VIPAS39: variants seen among roughly 807,000 people sequenced by gnomAD.
The protein encoded by VIPAS39 is spermatogenesis-defective protein 39 homolog.
VIPAS39 carries 63 observed loss-of-function variants against 84.7 expected under a neutral mutation model. The observed-to-expected ratio is 0.74, with a 90% CI of 0.61 to 0.92. The LOEUF (loss-of-function observed/expected upper bound fraction) is 0.92. VIPAS39 is among the 40% of genes least tolerant of loss of function. The probability of loss-of-function intolerance (pLI) is 0.00; values close to 1 mark genes in which losing one functional copy is unlikely to be tolerated. For missense variants in VIPAS39, 499 were observed against 604.5 expected (o/e 0.83, Z 1.83); for synonymous variants, 192 against 216.5 (o/e 0.89, Z 0.99).
At chr14:77,448,235 T>C (rs1042689908) in intron 7 of VIPAS39, among the ~76,000 whole-genome samples, 5 of 152,212 alleles carry the variant, frequency 3.3e-5, no homozygotes, top group Admixed American at 1.3e-4. Flanking sequence ...ATTACAGGCG[T>C]GAGCCACCAC....
intron 4 of VIPAS39, among the ~76,000 whole-genome samples, chr14:77,450,300 G>T (rs1390193094): frequency 6.6e-6 from 1 of 152,186 alleles, no homozygotes; most frequent in East Asian, 1.9e-4. Context: ...GTATGGGAAT[G>T]TCGTTCTTCT....
rs1594928598 is a variant in VIPAS39, at chr14:77,453,427, G to A, written c.94-26C>T. The A allele has an allele frequency of 9.3e-6, 15 of 1,605,314 alleles. No homozygotes were observed. In the East Asian group the frequency reaches 3.1e-4, roughly 33 times the overall value. ...CTGCAGAGGGACACAAGGCTAGGGT[G>A]CTCAGGCAAATCATCATTTCCCACC... On this transcript the variant is annotated intron_variant, in intron 2 of 19. Transcript: ENST00000557658.
rs530782242 is a variant in VIPAS39 at position 77,428,249 on chromosome 14, C to T, written c.1461+121G>A. ...TTTGACATTGTGGCCAGAGGAGAGC[C>T]TTACATCCATGTGGCTTAGCCAACT... On this transcript the variant is annotated intron_variant, in intron 19 of 19. Coordinates refer to ENST00000557658, the MANE Select transcript of VIPAS39 (RefSeq NM_001193315.2). 4.9e-5 allele frequency: 41 copies of T among 842,336 alleles called. No homozygotes were observed. In the African/African-American group the frequency reaches 5.7e-4, roughly 12 times the overall value. The allele number at this position is 842,336 out of a possible 1,614,324, so 52.2% of individuals were successfully genotyped here. A position where few individuals can be genotyped will look rare whatever the true frequency, so the allele number is the denominator to read the frequency against.
rs530945661 is a variant in VIPAS39, at chr14:77,434,708, T to C, written c.1048-405A>G. Among the ~76,000 whole-genome samples the C allele has an allele frequency of 9.1e-4, 137 of 150,880 alleles. 1 individual carries two copies. The highest frequency in any genetic ancestry group is 3.3e-3 in the African/African-American group (134 of 41,068). Reference sequence around the variant, plus strand: ...GAGTTCAACACCAGCCTGGCCAACATGGTGAAACCCTGTCTCTACTAAAAA... The same window carrying C: ...GAGTTCAACACCAGCCTGGCCAACACGGTGAAACCCTGTCTCTACTAAAAA... On this transcript the variant is annotated intron_variant, in intron 14 of 19. Coordinates refer to ENST00000557658, the MANE Select transcript of VIPAS39 (RefSeq NM_001193315.2).
intron 10 of VIPAS39, 84 bp downstream of exon 10, chr14:77,442,476 G>T: frequency 2.6e-6 from 3 of 1,151,788 alleles, no homozygotes; most frequent in African/African-American, 1.5e-5. Flanking sequence ...AAGGGCAGTT[G>T]GCGTCTTCTA....
chr14:77,455,982 G>C (rs77306074), intron 1 of VIPAS39, among the ~76,000 whole-genome samples: 1 of 152,184 alleles, frequency 6.6e-6, no homozygotes, highest in Non-Finnish European at 1.5e-5. Flanking sequence ...TCAAATCCTG[G>C]TTTCTCTTAA....
rs35123201 is a variant in VIPAS39, at chr14:77,445,939, C to CA, written c.505-1599dup. ...CGGGCGACAGAAGGAGACTCCATCT[C>CA]AAAAAAAAAAAAAAAAAGTTTTATA... On this transcript the variant is annotated intron_variant, in intron 7 of 19. Coordinates refer to ENST00000557658, the MANE Select transcript of VIPAS39 (RefSeq NM_001193315.2). Among the ~76,000 whole-genome samples the CA allele has an allele frequency of 3.8e-3, 377 of 100,014 alleles. 1 individual carries two copies. Among genetic ancestry groups the CA allele is most frequent in the African/African-American group, 0.011 (254 of 23,976 alleles). 65.6% of individuals were successfully genotyped at this position (100,014 alleles called of 152,430 possible).
chr14:77,438,294 T>C (rs1227978436), intron 11 of VIPAS39, among the ~76,000 whole-genome samples: 1 of 149,420 alleles, frequency 6.7e-6, no homozygotes, highest in Non-Finnish European at 1.5e-5. Flanking sequence ...AATGGCACAA[T>C]CTCAGCTCAT....
chr14:77,437,682 A>C (rs2078635069), intron 12 of VIPAS39, 126 bp downstream of exon 12: 2 of 992,598 alleles, frequency 2.0e-6, no homozygotes, highest in South Asian at 2.7e-5. Flanking sequence ...GGTGACCCTG[A>C]ATGATGCTGG....
At chr14:77,437,317 A>G (rs534491016) in intron 12 of VIPAS39, among the ~76,000 whole-genome samples, 30 of 152,238 alleles carry the variant, frequency 2.0e-4, no homozygotes, top group Non-Finnish European at 4.3e-4. Flanking sequence ...TGTCACAGGA[A>G]TATGTGGAGC....
intron 9 of VIPAS39, among the ~76,000 whole-genome samples, chr14:77,442,875 A>G (rs2078724645): frequency 6.6e-6 from 1 of 152,210 alleles, no homozygotes; most frequent in African/African-American, 2.4e-5. Flanking sequence ...AACAGCAGGC[A>G]CTTAGCATGG....
intron 8 of VIPAS39, among the ~76,000 whole-genome samples, chr14:77,443,669 T>C (rs1594911206): frequency 6.6e-6 from 1 of 151,854 alleles, no homozygotes; most frequent in Non-Finnish European, 1.5e-5. Flanking sequence ...CCGAGGCTGG[T>C]GGATCACCTG....
chr14:77,430,793 G>A (rs2078510398), intron 16 of VIPAS39, among the ~76,000 whole-genome samples: 1 of 151,320 alleles, frequency 6.6e-6, no homozygotes, highest in African/African-American at 2.4e-5. Flanking sequence ...ATATTACAAA[G>A]TTACATATAT....
At chr14:77,450,150 T>C (rs2078859594) in intron 4 of VIPAS39, among the ~76,000 whole-genome samples, 1 of 152,232 alleles carries the variant, frequency 6.6e-6, no homozygotes, top group Admixed American at 6.5e-5. Flanking sequence ...ACCCCAGCTC[T>C]TGGTAACCAC....
intron 17 of VIPAS39, 150 bp downstream of exon 17, chr14:77,429,530 TG>T: frequency 1.2e-6 from 1 of 828,774 alleles, no homozygotes; most frequent in Non-Finnish European, 2.1e-6. Flanking sequence ...TTTCACTCCC[TG>T]GCCTTTTCTG....
At chr14:77,449,567 C>T in intron 5 of VIPAS39, 147 bp downstream of exon 5, 1 of 1,278,274 alleles carries the variant, frequency 7.8e-7, no homozygotes, top group Non-Finnish European at 1.1e-6. Context: ...CCTCCTTAGT[C>T]AGTATCAGAA....
At chr14:77,439,822 G>A (rs1397703238) in intron 11 of VIPAS39, among the ~76,000 whole-genome samples, 1 of 151,936 alleles carries the variant, frequency 6.6e-6, no homozygotes, top group Non-Finnish European at 1.5e-5. Flanking sequence ...TAATTATGCT[G>A]TTCAAAGGTT....
chr14:77,449,738 C>T lies in VIPAS39; in HGVS notation c.358G>A (p.Gly120Arg). 1.9e-6 allele frequency: 3 copies of T among 1,613,972 alleles called. No homozygotes were observed. In the Admixed American group the frequency reaches 5.0e-5, roughly 27 times the overall value. The change falls in exon 5 of 20, where the codon GGA becomes AGA. Residue 120 changes from glycine to arginine, a missense_variant. Coordinates refer to ENST00000557658, the MANE Select transcript of VIPAS39 (RefSeq NM_001193315.2). ...CCATCAGAAAGGGACTGGAAACTTC[C>T]AGGTCTAGTTCTACCTAAAGGTAAA... is the stretch of plus-strand genomic sequence containing the variant. ...SSFFRGRTRP[G>R]SFQSLSDALS...
At chr14:77,428,916 C>T in intron 18 of VIPAS39, 90 bp downstream of exon 18, 1 of 1,232,816 alleles carries the variant, frequency 8.1e-7, no homozygotes, top group Non-Finnish European at 1.2e-6. Context: ...GGTGGGAGCA[C>T]CTCAGGATCT....
Sources: gnomAD v4.1 joint callset for allele counts (sites outside exome capture counted in the v4.1 genomes callset) on GRCh38, gnomAD v4.1.1 for gene constraint, MANE v1.5 for transcripts, NCBI Gene and HGNC (gene_info 2026-07-23, HGNC 2026-07-21) for gene names.